The following ZNFX1 variants were observed in gnomAD, a reference collection of about 807,000 sequenced individuals.
ZNFX1 encodes zinc finger NFX1-type containing 1, also known as NFX1-type zinc finger-containing protein 1.
ZNFX1 carries 78 observed loss-of-function variants against 179.8 expected under a neutral mutation model. That is an observed-to-expected ratio of 0.43 (90% CI 0.36 to 0.52). ZNFX1 has a LOEUF of 0.52. Ranked by LOEUF, ZNFX1 falls within the 20% of genes least tolerant of loss-of-function variation. The pLI is 0.00. For synonymous variants in ZNFX1, 848 were observed against 868.5 expected (o/e 0.98, Z 0.42); for missense variants, 1,927 against 2,386.6 (o/e 0.81, Z 4.01).
Position 49,248,113 on chromosome 20 carries a change from T to C in ZNFX1, c.4911A>G (p.Lys1637=). The C allele has an allele frequency of 1.2e-6, 2 of 1,614,180 alleles. No homozygotes were observed. The highest frequency in any genetic ancestry group is 1.7e-6 in the Non-Finnish European group (2 of 1,180,036). The change falls in exon 14 of 14, where the codon AAA becomes AAG. Residue 1637 remains lysine, a synonymous_variant. Transcript: ENST00000396105. The surrounding 1 kb of genome is among the most constrained non-coding windows in gnomAD (Gnocchi z 4.6). The stretch of plus-strand genomic sequence containing the variant: ...TGATTTCAATCTCTTCTAGCCGCTG[T>C]TTTATGCTAGTTCCATACCTCAGGT... The part of the protein sequence containing the change: ...RKNLRYGTSI[K]QRLEEIEIIK...
rs866106982 is a variant in ZNFX1 at position 49,275,171 on chromosome 20, A to G, written c.61+608T>C. On this transcript the variant is annotated intron_variant, in intron 2 of 13. Transcript: ENST00000396105. ...ATAAAAACTTATGCTCTTGGCTTAC[A>G]TTGTTTCTATTGGATGCTGCTCTAC... is the stretch of plus-strand genomic sequence containing the variant. Among the ~76,000 whole-genome samples the G allele has an allele frequency of 3.3e-5, 5 of 152,230 alleles. No individual in the cohort carries two copies. In the Middle Eastern group the frequency reaches 0.01, roughly 311 times the overall value.
rs763013545 is a variant in ZNFX1, at chr20:49,256,124, C to A, written c.2665-177G>T. 3.9e-6 allele frequency: 3 copies of A among 772,068 alleles called. No individual in the cohort carries two copies. The African/African-American group carries it at 5.3e-5, about 14-fold the overall frequency. The allele number at this position is 772,068 out of a possible 1,614,324, so 47.8% of individuals were successfully genotyped here. ...GAGTGGCTAAACAAGGACTCTGGAG[C>A]CAGTTTGCCTGGCTTCAAAGCCCTA... On this transcript the variant is annotated intron_variant, in intron 8 of 13. Coordinates refer to ENST00000396105, the MANE Select transcript of ZNFX1 (RefSeq NM_021035.3).
chr20:49,275,152 ACTTATG>A (rs1304344126), intron 2 of ZNFX1, among the ~76,000 whole-genome samples: 1 of 152,010 alleles, frequency 6.6e-6, no homozygotes, highest in East Asian at 1.9e-4. Flanking sequence ...AAAAATAAAA[ACTTATG>A]CTCTTGGCTT....
At position 49,264,809 on chromosome 20, in the gene ZNFX1, A is replaced by G. The variant is rs1480155798; in HGVS notation, c.2058T>C (p.Ser686=). The change falls in exon 5 of 14, where the codon AGT becomes AGC. Residue 686 remains serine (S), a synonymous_variant. Coordinates refer to ENST00000396105, the MANE Select transcript of ZNFX1 (RefSeq NM_021035.3). ...SIVRVGGRSN[S]EILKQFTLRE... ...TTAGGGTGAACTGCTTCAGGATTTC[A>G]CTGTTGCTCCTTCCACCCACCCGCA... 6.2e-7 allele frequency: 1 copy of G among 1,614,118 alleles called. No individual in the cohort carries two copies. The highest frequency in any genetic ancestry group is 8.5e-7 in the Non-Finnish European group (1 of 1,180,028).
rs575202363 is a variant in ZNFX1, at chr20:49,245,906, C to G, written c.*1361G>C. ...GATACACGTGGACCACTGATTTTCT[C>G]AATCATTGTTTTTAATTGGCTTTAT... On this transcript the variant is annotated 3_prime_UTR_variant, in exon 14 of 14. Transcript: ENST00000396105. 1 of 152,700 alleles carries G rather than the reference C, an allele frequency of 6.5e-6. No homozygotes were observed. Among genetic ancestry groups the G allele is most frequent in the South Asian group, 2.1e-4 (1 of 4,826 alleles). The allele number at this position is 152,700 out of a possible 1,614,324, so 9.5% of individuals were successfully genotyped here.
In ZNFX1 at chr20:49,257,501, C is replaced by G. The variant is rs1399293920; in HGVS notation, c.2580G>C (p.Leu860Phe). 1 of 1,613,866 alleles carries G rather than the reference C, an allele frequency of 6.2e-7. No homozygotes were observed. Among genetic ancestry groups the G allele is most frequent in the African/African-American group, 1.3e-5 (1 of 74,856 alleles). ...KKEESGADQE[L>F]AKMLLAMRLD... ...GCCTCATGGCCAGAAGCATTTTAGCCAACTCCTGGTCTGCTCCACTCTCTT... is the reference window on the plus strand; with the variant it reads ...GCCTCATGGCCAGAAGCATTTTAGCGAACTCCTGGTCTGCTCCACTCTCTT... Residue 860 changes from leucine (L) to phenylalanine (F), a missense_variant, in exon 8 of 14, where the codon TTG becomes TTC. Physicochemically the swap from Leu to Phe is conservative, Grantham distance 22 (BLOSUM62 0). Transcript: ENST00000396105.
chr20:49,249,518 T>A lies in ZNFX1; in HGVS notation c.3506A>T (p.Lys1169Ile). 6.2e-7 allele frequency: 1 copy of A among 1,614,224 alleles called. No individual in the cohort carries two copies. The highest frequency in any genetic ancestry group is 8.5e-7 in the Non-Finnish European group (1 of 1,180,042). ...TYTGQLFCLRKLMPAKTFAGV... is the reference protein window; with the variant it reads ...TYTGQLFCLRILMPAKTFAGV... ...AGCAAATGTCTTGGCAGGCATCAGT[T>A]TGCGCAGGCAGAAGAGCTGCCCGGT... Residue 1169 changes from lysine to isoleucine, a missense_variant, in exon 14 of 14, where the codon AAA (lysine) becomes ATA (isoleucine). Transcript: ENST00000396105.
intron 6 of ZNFX1, 90 bp from the exon 7 acceptor site, chr20:49,260,667 C>T: frequency 1.2e-6 from 1 of 867,642 alleles, no homozygotes; most frequent in Non-Finnish European, 1.7e-6. Context: ...CAGATTGGGG[C>T]ATGGTAGCTC....
At chr20:49,260,335 C>A (rs2146735163) in intron 7 of ZNFX1, 128 bp downstream of exon 7, 1 of 477,110 alleles carries the variant, frequency 2.1e-6, no homozygotes, top group Non-Finnish European at 3.6e-6. Flanking sequence ...TTATATTAAG[C>A]TATTTGTCTT....
chr20:49,251,688 T>C, intron 12 of ZNFX1, 66 bp from the exon 13 acceptor site: 1 of 1,425,044 alleles, frequency 7.0e-7, no homozygotes, highest in East Asian at 2.4e-5. Context: ...TCTTTAAAGA[T>C]AAGGTTGCTG....
At position 49,247,119 on chromosome 20, in the gene ZNFX1, G is replaced by A. The variant is rs181019908; in HGVS notation, c.*148C>T. 5.1e-5 allele frequency: 55 copies of A among 1,076,074 alleles called. No homozygotes were observed. Among genetic ancestry groups the A allele is most frequent in the Admixed American group, 1.7e-4 (6 of 35,160 alleles). The allele number at this position is 1,076,074 out of a possible 1,614,324, so 66.7% of individuals were successfully genotyped here. ...CCTGACCTCGTGATCCGCCTGCCTC[G>A]GCCTCCCAAAGTGCTGGGATTACAG... On this transcript the variant is annotated 3_prime_UTR_variant, in exon 14 of 14. Coordinates refer to ENST00000396105, the MANE Select transcript of ZNFX1 (RefSeq NM_021035.3).
At chr20:49,273,607 G>T (rs998893240) in intron 2 of ZNFX1, among the ~76,000 whole-genome samples, 1 of 152,168 alleles carries the variant, frequency 6.6e-6, no homozygotes, top group Admixed American at 6.5e-5. Context: ...TGTCTTGGAA[G>T]AATGGAAAAT....
chr20:49,267,268 A>G (rs1981258591), intron 3 of ZNFX1, among the ~76,000 whole-genome samples: 1 of 152,160 alleles, frequency 6.6e-6, no homozygotes, highest in Non-Finnish European at 1.5e-5. Flanking sequence ...TGAGGGAGGG[A>G]GTGATATAAG....
chr20:49,275,764 G>A lies in ZNFX1; in HGVS notation c.61+15C>T. Reference sequence around the variant, plus strand: ...ACTAGAATTTCCTTCTCATTAGGTAGGAAACCTTGCTTACCTCTGTGGTTG... The same window carrying A: ...ACTAGAATTTCCTTCTCATTAGGTAAGAAACCTTGCTTACCTCTGTGGTTG... On this transcript the variant is annotated intron_variant, in intron 2 of 13. Coordinates refer to ENST00000396105, the MANE Select transcript of ZNFX1 (RefSeq NM_021035.3). The A allele has an allele frequency of 6.2e-7, 1 of 1,613,722 alleles. No individual in the cohort carries two copies. The highest frequency in any genetic ancestry group is 8.5e-7 in the Non-Finnish European group (1 of 1,179,744).
intron 6 of ZNFX1, among the ~76,000 whole-genome samples, chr20:49,260,802 T>C (rs1348602073): frequency 6.6e-6 from 1 of 151,036 alleles, no homozygotes; most frequent in African/African-American, 2.4e-5. Flanking sequence ...AAAAAAAGAC[T>C]GGGCGTGGTG....
chr20:49,268,925 G>A (rs1005423289), intron 3 of ZNFX1, among the ~76,000 whole-genome samples: 2 of 152,212 alleles, frequency 1.3e-5, no homozygotes, highest in Non-Finnish European at 2.9e-5. Context: ...CATTAGTTCA[G>A]CCACTGTGGA....
Position 49,247,470 on chromosome 20 carries a change from C to T in ZNFX1, c.5554G>A (p.Gly1852Ser). ...PRGHWFKCRN[G>S]HIYVIGDCGG... is the part of the protein sequence containing the mutation. ...CAATCGCCAATCACATAGATATGGC[C>T]ATTGCGGCACTTGAACCAGTGACCA... Residue 1852 changes from glycine to serine, a missense_variant, in exon 14 of 14, where the codon GGC (glycine) becomes AGC (serine). Gly to Ser is a moderately conservative substitution (Grantham distance 56). Transcript: ENST00000396105. The T allele has an allele frequency of 1.2e-6, 2 of 1,614,182 alleles. No homozygotes were observed. The highest frequency in any genetic ancestry group is 1.7e-5 in the Admixed American group (1 of 60,016).
Position 49,248,902 on chromosome 20 carries a change from C to T in ZNFX1, c.4122G>A (p.Glu1374=). 3.1e-6 allele frequency: 5 copies of T among 1,614,284 alleles called. No individual in the cohort carries two copies. The highest frequency in any genetic ancestry group is 4.2e-6 in the Non-Finnish European group (5 of 1,180,062). The change falls in exon 14 of 14, where the codon GAG becomes GAA. Residue 1374 remains glutamate, a synonymous_variant. Transcript: ENST00000396105. This position sits in a 1 kb window ranked among gnomAD's most constrained non-coding sequence, Gnocchi z 4.6. ...SVPESDFCCQ[E]PCSKSLRCGH... ...CACATCTCAGAGACTTGGAGCAAGG[C>T]TCCTGGCAGCAGAAATCTGACTCAG... is the stretch of plus-strand genomic sequence containing the variant.
rs1426017858 is a variant in ZNFX1 at position 49,247,163 on chromosome 20, A to G, written c.*104T>C. On this transcript the variant is annotated 3_prime_UTR_variant, in exon 14 of 14. Coordinates refer to ENST00000396105, the MANE Select transcript of ZNFX1 (RefSeq NM_021035.3). ...ATTACAGGCGTAAGCCACTGCGCCCAGCCTAAAAAGGATGATAATAAAAAA... is the reference window on the plus strand; with the variant it reads ...ATTACAGGCGTAAGCCACTGCGCCCGGCCTAAAAAGGATGATAATAAAAAA... 2.0e-6 allele frequency: 3 copies of G among 1,475,870 alleles called. No homozygotes were observed. Among genetic ancestry groups the G allele is most frequent in the Non-Finnish European group, 2.7e-6 (3 of 1,100,520 alleles). 91.4% of individuals were successfully genotyped at this position (1,475,870 alleles called of 1,614,324 possible).
Sources: gnomAD v4.1 joint callset for allele counts (sites outside exome capture counted in the v4.1 genomes callset) on GRCh38, gnomAD v4.1.1 for gene constraint, Gnocchi (gnomAD v3.1) non-coding constraint, MANE v1.5 for transcripts, NCBI Gene and HGNC (gene_info 2026-07-23, HGNC 2026-07-21) for gene names.